Variants in VRK2 observed in about 807,000 individuals in gnomAD.
VRK2 encodes VRK serine/threonine kinase 2, also known as serine/threonine-protein kinase VRK2.
A neutral mutation model predicts 57.6 loss-of-function variants in VRK2; 60 were observed. The observed-to-expected ratio is 1.04, with a 90% confidence interval of 0.85 to 1.29. VRK2 has a LOEUF of 1.29. Ranked by LOEUF, VRK2 falls within the 50% of genes most tolerant of loss-of-function variation. The pLI is 0.00. For missense variants in VRK2, 705 were observed against 588.1 expected, an observed-to-expected ratio of 1.20 and a Z score of -2.06; for synonymous variants, 231 against 199.2, an observed-to-expected ratio of 1.16 and a Z score of -1.35.
At chr2:58,054,997 A>C (rs1459220647) in intron 2 of VRK2, among the ~76,000 whole-genome samples, 1 of 152,180 alleles carries the variant, frequency 6.6e-6, no homozygotes, top group Non-Finnish European at 1.5e-5. Context: ...TCTTCGATCA[A>C]GTAATACTTG....
rs369732582 is a variant in VRK2 at position 58,139,990 on chromosome 2, G to A, written c.1023+158G>A. Among the ~76,000 whole-genome samples, 5 of 152,148 alleles carry A rather than the reference G, an allele frequency of 3.3e-5. 1 individual carries two copies. The highest frequency in any genetic ancestry group is 1.2e-4 in the African/African-American group (5 of 41,550). Reference sequence around the variant, plus strand: ...TCAGCACCAAGAAAGTTTGTTCCAAGTTCTTTTGACCTGTTGTCTCACAGA... The same window carrying A: ...TCAGCACCAAGAAAGTTTGTTCCAAATTCTTTTGACCTGTTGTCTCACAGA... On this transcript the variant is annotated intron_variant, in intron 11 of 12. Transcript: ENST00000340157.
At chr2:58,080,855 T>C (rs1670762022) in intron 2 of VRK2, among the ~76,000 whole-genome samples, 1 of 151,926 alleles carries the variant, frequency 6.6e-6, no homozygotes, top group South Asian at 2.1e-4. Context: ...ATTACTGACA[T>C]ATGTAATCAA....
chr2:57,956,135 C>T (rs934416059), intron 1 of VRK2, among the ~76,000 whole-genome samples: 2 of 152,182 alleles, frequency 1.3e-5, no homozygotes, highest in Non-Finnish European at 2.9e-5. Context: ...GCTAATGCCG[C>T]TTTGGGAGGC....
At chr2:58,136,189 A>G (rs577521517) in intron 10 of VRK2, among the ~76,000 whole-genome samples, 7 of 152,178 alleles carry the variant, frequency 4.6e-5, no homozygotes, top group East Asian at 1.9e-4. Context: ...TCCCCTCTCC[A>G]TTTGCAAGTC....
intron 1 of VRK2, among the ~76,000 whole-genome samples, chr2:57,935,562 G>T (rs1670878054): frequency 6.6e-6 from 1 of 152,076 alleles, no homozygotes; most frequent in Non-Finnish European, 1.5e-5. Context: ...GGAGTTTTGG[G>T]GGTGTCCCTT....
intron 4 of VRK2, among the ~76,000 whole-genome samples, chr2:58,085,592 A>G (rs1326551417): frequency 1.3e-5 from 2 of 151,998 alleles, no homozygotes; most frequent in East Asian, 3.8e-4. Flanking sequence ...ATGACTGTAT[A>G]GTCAAGGTCC....
At chr2:58,055,407 G>T (rs949637475) in intron 2 of VRK2, among the ~76,000 whole-genome samples, 9 of 152,208 alleles carry the variant, frequency 5.9e-5, no homozygotes, top group Non-Finnish European at 1.2e-4. Flanking sequence ...CTCCAACTTA[G>T]AAGTTGATTA....
At chr2:58,121,677 T>C (rs1270434081) in intron 7 of VRK2, among the ~76,000 whole-genome samples, 1 of 152,224 alleles carries the variant, frequency 6.6e-6, no homozygotes, top group Non-Finnish European at 1.5e-5. Context: ...AAAATTCAAA[T>C]GCAGAATTTC....
intron 12 of VRK2, among the ~76,000 whole-genome samples, chr2:58,147,959 C>T (rs1313420636): frequency 1.3e-5 from 2 of 151,806 alleles, no homozygotes; most frequent in Non-Finnish European, 2.9e-5. Context: ...TATTAATGGA[C>T]ATTTGGGCTA....
At chr2:57,925,248 G>A (rs556159131) in intron 1 of VRK2, among the ~76,000 whole-genome samples, 2 of 151,886 alleles carry the variant, frequency 1.3e-5, no homozygotes, top group East Asian at 3.8e-4. Context: ...ATTCCCTCCT[G>A]CTCTATTTTT....
rs376192126 is a variant in VRK2 at position 58,088,467 on chromosome 2, A to G, written c.450+21A>G. The stretch of plus-strand genomic sequence containing the variant: ...GAATGGTAAGAATTACTTATTTCGC[A>G]TGCTCCATTTCCAAATTGTTTACTT... On this transcript the variant is annotated intron_variant, in intron 6 of 12. Coordinates refer to ENST00000340157, the MANE Select transcript of VRK2 (RefSeq NM_006296.7). 28 of 1,521,204 alleles carry G rather than the reference A, an allele frequency of 1.8e-5. No individual in the cohort carries two copies. In the African/African-American group the frequency reaches 2.3e-4, roughly 13 times the overall value. 94.2% of individuals were successfully genotyped at this position (1,521,204 alleles called of 1,614,324 possible). A position where few individuals can be genotyped will look rare whatever the true frequency, so the allele number is the denominator to read the frequency against.
intron 8 of VRK2, among the ~76,000 whole-genome samples, chr2:58,127,270 G>A (rs189007528): frequency 6.6e-6 from 1 of 152,188 alleles, no homozygotes; most frequent in African/African-American, 2.4e-5. Context: ...AACTGAGAAT[G>A]TATTTTCGTG....
intron 7 of VRK2, among the ~76,000 whole-genome samples, chr2:58,106,609 C>T (rs1449185348): frequency 6.6e-6 from 1 of 151,806 alleles, no homozygotes; most frequent in Non-Finnish European, 1.5e-5. Flanking sequence ...GTCATTAAGT[C>T]TTTCACTCTC....
intron 7 of VRK2, among the ~76,000 whole-genome samples, chr2:58,098,456 G>A (rs960160525): frequency 5.9e-5 from 9 of 151,890 alleles, no homozygotes; most frequent in African/African-American, 1.7e-4. Flanking sequence ...AGTTCCATTC[G>A]TGGTAAATGC....
At chr2:58,042,344 T>G (rs192389862), upstream of VRK2, among the ~76,000 whole-genome samples, 1 of 152,186 alleles carries the variant, frequency 6.6e-6, no homozygotes, top group East Asian at 1.9e-4. Flanking sequence ...AATTCTATTA[T>G]TTTCAAAATT....
chr2:58,054,334 A>G (rs1199919949), intron 2 of VRK2, among the ~76,000 whole-genome samples: 1 of 151,558 alleles, frequency 6.6e-6, no homozygotes, highest in East Asian at 1.9e-4. Context: ...GCATTTATAT[A>G]TTATGTCTCT....
chr2:58,155,411 G>C (rs1683654494), intron 12 of VRK2, among the ~76,000 whole-genome samples: 1 of 152,162 alleles, frequency 6.6e-6, no homozygotes, highest in Non-Finnish European at 1.5e-5. Flanking sequence ...TGTCTGGTGG[G>C]GAGGAAGACA....
At chr2:58,159,878 CAT>C, downstream of VRK2, 1 of 1,592,458 alleles carries the variant, frequency 6.3e-7, no homozygotes, top group Non-Finnish European at 8.5e-7. Flanking sequence ...GAAATAGTGT[CAT>C]AGAATAGTGT....
intron 2 of VRK2, 84 bp from the exon 3 acceptor site, chr2:58,084,005 C>A: frequency 6.9e-7 from 1 of 1,445,580 alleles, no homozygotes; most frequent in Non-Finnish European, 9.4e-7. Flanking sequence ...ATGTAAAATG[C>A]TTAGCATAGT....
Sources: gnomAD v4.1 joint callset for allele counts (sites outside exome capture counted in the v4.1 genomes callset) on GRCh38, gnomAD v4.1.1 for gene constraint, MANE v1.5 for transcripts, NCBI Gene and HGNC (gene_info 2026-07-23, HGNC 2026-07-21) for gene names.